The following BBOF1 variants were observed in gnomAD, a reference collection of about 807,000 sequenced individuals.
BBOF1 encodes the protein basal body orientation factor 1, also known as basal body-orientation factor 1.
A neutral mutation model predicts 68.0 loss-of-function variants in BBOF1; 62 were observed. That is an observed-to-expected ratio of 0.91 (90% CI 0.74 to 1.13). BBOF1 has a LOEUF of 1.13. Ranked by LOEUF, BBOF1 falls within the 50% of genes most tolerant of loss-of-function variation. The pLI is 0.00. For synonymous variants in BBOF1, 208 were observed against 198.8 expected (o/e 1.05, Z -0.39); for missense variants, 534 against 600.1 (o/e 0.89, Z 1.15).
chr14:74,019,516 G>A lies in BBOF1; in HGVS notation c.38G>A (p.Ser13Asn), dbSNP rs537764280. The change falls in exon 1 of 12, where the codon AGC (serine) becomes AAC (asparagine). Residue 13 changes from serine (S) to asparagine (N), a missense_variant. Coordinates refer to ENST00000394009, the MANE Select transcript of BBOF1 (RefSeq NM_025057.3). ...GGAAAGGACAAAAAGAAAGGCAAGA[G>A]CAAAGGCAAAGACACGAAGTAAGGA... ...SKGKDKKKGK[S>N]KGKDTKKLIK... The A allele has an allele frequency of 6.9e-6, 11 of 1,603,222 alleles. No homozygotes were observed. The highest frequency in any genetic ancestry group is 1.3e-5 in the African/African-American group (1 of 74,838).
chr14:74,068,668 G>A (rs903088007), downstream of BBOF1, among the ~76,000 whole-genome samples: 3 of 151,968 alleles, frequency 2.0e-5, no homozygotes, highest in East Asian at 3.9e-4. Context: ...GCTTGAACCC[G>A]GGAGGCAGAG....
chr14:74,060,068 CA>C (rs1412970431), intron 11 of BBOF1: 2 of 157,278 alleles, frequency 1.3e-5, no homozygotes, highest in African/African-American at 4.8e-5. Flanking sequence ...GAGGATCAAC[CA>C]AAAGCGGTGA....
intron 2 of BBOF1, 45 bp downstream of exon 2, chr14:74,023,189 G>A: frequency 9.3e-7 from 1 of 1,079,688 alleles, no homozygotes; most frequent in South Asian, 1.5e-5. Context: ...CTACCTCTAT[G>A]GTGATGCTGA....
At chr14:74,022,561 A>G (rs1331074683) in intron 1 of BBOF1, among the ~76,000 whole-genome samples, 1 of 152,162 alleles carries the variant, frequency 6.6e-6, no homozygotes, top group Admixed American at 6.5e-5. Context: ...AGAAAAAAAA[A>G]AGATATGAAA....
Position 74,040,627 on chromosome 14 carries a change from CA to C in BBOF1, c.559del (p.Arg187AspfsTer9). The C allele has an allele frequency of 2.5e-6, 4 of 1,588,296 alleles. No individual in the cohort carries two copies. Among genetic ancestry groups the C allele is most frequent in the Non-Finnish European group, 3.4e-6 (4 of 1,168,638 alleles). Reference sequence around the variant, plus strand: ...AGGAGACTCTTAGAAGACTGGAAAGCAGATTTTTTGAAGAAAAGGTACAGAT... The same window carrying C: ...AGGAGACTCTTAGAAGACTGGAAAGCGATTTTTTGAAGAAAAGGTACAGAT... ...HQETLRRLES[R>X]FFEEKHRLEQ... On this transcript the variant is annotated frameshift_variant, in exon 5 of 12. Transcript: ENST00000394009. LOFTEE classifies it high-confidence loss of function.
chr14:74,022,842 A>G, intron 1 of BBOF1, 74 bp from the exon 2 acceptor site: 1 of 620,124 alleles, frequency 1.6e-6, no homozygotes, highest in Non-Finnish European at 2.5e-6. Context: ...TAGTAATATA[A>G]TAGAGTTATA....
At chr14:74,082,699 C>T (rs763137942) in intron 12 of BBOF1, 5 of 152,076 alleles carry the variant, frequency 3.3e-5, no homozygotes, top group Non-Finnish European at 5.9e-5. Flanking sequence ...AGCGCCTGGC[C>T]CGTAGGCTAC....
At chr14:74,058,137 C>G (rs1369406640) in intron 11 of BBOF1, 2 of 154,526 alleles carry the variant, frequency 1.3e-5, no homozygotes, top group East Asian at 3.8e-4. Context: ...ACCATCCTGG[C>G]TAACATGGTG....
chr14:74,056,371 G>T (rs1417563576), intron 9 of BBOF1, among the ~76,000 whole-genome samples: 1 of 151,756 alleles, frequency 6.6e-6, no homozygotes, highest in Non-Finnish European at 1.5e-5. Context: ...GCTAATTTTT[G>T]TATTTTTTTG....
intron 11 of BBOF1, chr14:74,060,280 G>C (rs2060311329): frequency 4.1e-6 from 1 of 246,026 alleles, no homozygotes; most frequent in Non-Finnish European, 8.1e-6. Context: ...AATTACAGGC[G>C]TGAGCCACCG....
chr14:74,040,617 G>A lies in BBOF1; in HGVS notation c.548G>A (p.Arg183Lys), dbSNP rs17182762. ...CGGATACATCAGGAGACTCTTAGAA[G>A]ACTGGAAAGCAGATTTTTTGAAGAA... ...TERIHQETLRRLESRFFEEKH... is the reference protein window; with the variant it reads ...TERIHQETLRKLESRFFEEKH... The change falls in exon 5 of 12, where the codon AGA (arginine) becomes AAA (lysine). Residue 183 changes from arginine to lysine, a missense_variant. By Grantham distance (26) the Arg-to-Lys change is conservative. Coordinates refer to ENST00000394009, the MANE Select transcript of BBOF1 (RefSeq NM_025057.3). 6,741 of 1,593,070 alleles carry A rather than the reference G, an allele frequency of 4.2e-3. 269 individuals are homozygous for A. In the African/African-American group the frequency reaches 0.082, roughly 19 times the overall value.
At chr14:74,020,258 T>A (rs2059240315) in intron 1 of BBOF1, among the ~76,000 whole-genome samples, 1 of 152,194 alleles carries the variant, frequency 6.6e-6, no homozygotes, top group Non-Finnish European at 1.5e-5. Flanking sequence ...TTTTTTGTTT[T>A]TACATAACTG....
chr14:74,019,432 G>T lies in BBOF1; in HGVS notation c.-47G>T, dbSNP rs2059194217. On this transcript the variant is annotated 5_prime_UTR_variant, in exon 1 of 12. Transcript: ENST00000394009. The stretch of plus-strand genomic sequence containing the variant: ...CCTTGGAGACAGAGCTGGCCAGGGC[G>T]GCCGCGGCTGGGCAACTACGACAGC... The T allele has an allele frequency of 1.3e-6, 2 of 1,577,104 alleles. No homozygotes were observed. Among genetic ancestry groups the T allele is most frequent in the South Asian group, 1.2e-5 (1 of 86,416 alleles).
chr14:74,065,610 TA>T lies in BBOF1; in HGVS notation c.*912del. ...TAACCACACTTCCTTTAAGGGACTG[TA>T]TCTTTAGTTCATGACCCATCATCAG... On this transcript the variant is annotated 3_prime_UTR_variant, in exon 12 of 12. Transcript: ENST00000394009. 2 of 489,960 alleles carry T rather than the reference TA, an allele frequency of 4.1e-6. No individual in the cohort carries two copies. The highest frequency in any genetic ancestry group is 4.2e-5 in the South Asian group (2 of 47,222). 30.4% of individuals were successfully genotyped at this position (489,960 alleles called of 1,614,324 possible).
At chr14:74,030,904 TA>T (rs969478928) in intron 3 of BBOF1, among the ~76,000 whole-genome samples, 9 of 144,574 alleles carry the variant, frequency 6.2e-5, no homozygotes, top group South Asian at 2.3e-4. Context: ...TCAGAAAAGC[TA>T]AAAAAAAGTC....
At chr14:74,044,623 G>C (rs1279731818) in intron 5 of BBOF1, among the ~76,000 whole-genome samples, 1 of 151,672 alleles carries the variant, frequency 6.6e-6, no homozygotes, top group Non-Finnish European at 1.5e-5. Flanking sequence ...CCACCATGCC[G>C]AATTAAAAAA....
intron 4 of BBOF1, among the ~76,000 whole-genome samples, chr14:74,037,340 G>A (rs1335481614): frequency 7.1e-6 from 1 of 141,434 alleles, no homozygotes; most frequent in Non-Finnish European, 1.5e-5. Flanking sequence ...TACCCAGGCT[G>A]GAGTGCAGTG....
In BBOF1 at chr14:74,071,816, G is replaced by A. The variant is rs1295457591; in HGVS notation, n.1380-6380G>A. On this transcript the variant is annotated intron_variant and non_coding_transcript_variant, in intron 9 of 12. Transcript: ENST00000492026. The stretch of plus-strand genomic sequence containing the variant: ...TGGCAAAATCTATGTAAAGGAAGAA[G>A]CAACCTCCCATTCTGCGATCTTTGC... The A allele has an allele frequency of 7.8e-6, 12 of 1,533,392 alleles. No homozygotes were observed. In the Admixed American group the frequency reaches 1.8e-4, roughly 23 times the overall value. 95.0% of individuals were successfully genotyped at this position (1,533,392 alleles called of 1,614,324 possible). A position where few individuals can be genotyped will look rare whatever the true frequency, so the allele number is the denominator to read the frequency against.
chr14:74,057,304 T>C, intron 11 of BBOF1, 46 bp downstream of exon 11: 1 of 1,613,062 alleles, frequency 6.2e-7, no homozygotes, highest in Non-Finnish European at 8.5e-7. Context: ...GTTGTCACCC[T>C]TCCCCATGTC....
Sources: gnomAD v4.1 joint callset for allele counts (sites outside exome capture counted in the v4.1 genomes callset) on GRCh38, gnomAD v4.1.1 for gene constraint, MANE v1.5 for transcripts, NCBI Gene and HGNC (gene_info 2026-07-23, HGNC 2026-07-21) for gene names.